ATP9B: variants seen among roughly 807,000 people sequenced by gnomAD.
ATP9B encodes probable phospholipid-transporting ATPase IIB.
Under a neutral mutation model 146.1 loss-of-function variants are expected in ATP9B, and 110 were observed. The observed-to-expected ratio is 0.75, with a 90% CI of 0.65 to 0.88. ATP9B has a LOEUF of 0.88. Among genes scored for constraint, ATP9B ranks in the 40% least tolerant of loss-of-function variants. The pLI is 0.00. For synonymous variants in ATP9B, 604 were observed against 569.7 expected (o/e 1.06, Z -0.86); for missense variants, 1,499 against 1,496.4 (o/e 1.00, Z -0.03).
chr18:79,355,952 C>T (rs1343690600), intron 25 of ATP9B, among the ~76,000 whole-genome samples: 1 of 152,094 alleles, frequency 6.6e-6, no homozygotes, highest in Non-Finnish European at 1.5e-5. Flanking sequence ...CTCATGGGCA[C>T]GGCACACTGC....
intron 13 of ATP9B, among the ~76,000 whole-genome samples, chr18:79,299,464 C>T (rs1230751815): frequency 6.6e-6 from 1 of 152,182 alleles, no homozygotes; most frequent in African/African-American, 2.4e-5. Flanking sequence ...AGGTCAGATG[C>T]CACCACTCCT....
At chr18:79,070,692 A>G (rs112315899) in intron 1 of ATP9B, among the ~76,000 whole-genome samples, 1 of 85,530 alleles carries the variant, frequency 1.2e-5, no homozygotes, top group African/African-American at 3.9e-5. Flanking sequence ...AAGCACTGTC[A>G]TGTGGTGCAC....
chr18:79,256,427 C>T (rs2096082057), intron 12 of ATP9B, among the ~76,000 whole-genome samples: 1 of 150,812 alleles, frequency 6.6e-6, no homozygotes, highest in South Asian at 2.1e-4. Context: ...CATCTTTACA[C>T]TTACTGTGAT....
intron 12 of ATP9B, among the ~76,000 whole-genome samples, chr18:79,262,933 T>C (rs12959946): frequency 0.29 from 43,521 of 152,174 alleles, 7,695 homozygotes; most frequent in Middle Eastern, 0.48. Context: ...TTTCATTTCT[T>C]TTGAAATAAT....
At position 79,143,868 on chromosome 18, in the gene ATP9B, A is replaced by AT. The variant is rs776231322; in HGVS notation, c.726+14dup. On this transcript the variant is annotated intron_variant, in intron 6 of 29. Coordinates refer to ENST00000426216, the MANE Select transcript of ATP9B (RefSeq NM_198531.5). ...CTCATCATAGTGGAAAAGGTTGATG[A>AT]TTTTTTAATATATTTTAGACCTATG... The AT allele has an allele frequency of 1.9e-6, 3 of 1,545,746 alleles. No individual in the cohort carries two copies. The highest frequency in any genetic ancestry group is 2.4e-5 in the South Asian group (2 of 82,314).
chr18:79,307,419 C>T (rs376487761), intron 15 of ATP9B, 185 bp downstream of exon 15: 2 of 859,640 alleles, frequency 2.3e-6, no homozygotes, highest in African/African-American at 1.7e-5. Flanking sequence ...GTAGCCTGGG[C>T]CTTGCACATG....
intron 9 of ATP9B, among the ~76,000 whole-genome samples, chr18:79,199,921 G>A (rs909038373): frequency 6.6e-6 from 1 of 152,168 alleles, no homozygotes; most frequent in Non-Finnish European, 1.5e-5. Context: ...ATAACAATGT[G>A]TTTTTCTGGC....
chr18:79,088,526 G>C (rs2074040117), intron 1 of ATP9B, among the ~76,000 whole-genome samples: 1 of 152,184 alleles, frequency 6.6e-6, no homozygotes, highest in South Asian at 2.1e-4. Flanking sequence ...AGGTTGTTCT[G>C]TGATGCTGTC....
chr18:79,222,270 AG>A lies in ATP9B; in HGVS notation c.1107+8233del, dbSNP rs1246064768. ...GTTACTCAGGAGGCTGAGGCAAGAGAGTTGCTCGAACCCAGGAAGTGGAGGT... is the reference window on the plus strand; with the variant it reads ...GTTACTCAGGAGGCTGAGGCAAGAGATTGCTCGAACCCAGGAAGTGGAGGT... On this transcript the variant is annotated intron_variant, in intron 11 of 29. Coordinates refer to ENST00000426216, the MANE Select transcript of ATP9B (RefSeq NM_198531.5). Among the ~76,000 whole-genome samples, 6 of 151,962 alleles carry A rather than the reference AG, an allele frequency of 3.9e-5. No homozygotes were observed. The East Asian group carries it at 1.2e-3, about 29-fold the overall frequency.
chr18:79,144,882 GA>G, intron 6 of ATP9B: 2 of 157,226 alleles, frequency 1.3e-5, no homozygotes, highest in Non-Finnish European at 2.8e-5. Context: ...ATTTAAGAGG[GA>G]AAAGTGAATA....
At chr18:79,214,190 C>T (rs998074863) in intron 11 of ATP9B, 152 bp downstream of exon 11, 3 of 464,674 alleles carry the variant, frequency 6.5e-6, no homozygotes, top group South Asian at 6.8e-5. Context: ...ATGAATTCTC[C>T]GTATTTATAT....
At chr18:79,085,103 A>G (rs1346663468) in intron 1 of ATP9B, 1 of 152,290 alleles carries the variant, frequency 6.6e-6, no homozygotes, top group East Asian at 1.9e-4. Flanking sequence ...GGAAGTACAC[A>G]ATCATGGTGG....
intron 7 of ATP9B, among the ~76,000 whole-genome samples, chr18:79,156,373 C>T (rs1482562601): frequency 6.6e-6 from 1 of 152,190 alleles, no homozygotes; most frequent in African/African-American, 2.4e-5. Context: ...ACATCTAGCC[C>T]TGCGCCTAAC....
chr18:79,367,255 C>G (rs1271167891), intron 26 of ATP9B, among the ~76,000 whole-genome samples: 8 of 130,454 alleles, frequency 6.1e-5, no homozygotes, highest in African/African-American at 2.3e-4. Context: ...TCACCTCCAC[C>G]GTGTGTACGC....
chr18:79,341,283 T>C lies in ATP9B; in HGVS notation c.2284-985T>C, dbSNP rs984009148. ...TGTAGCGTGACCTCGTCGAAGTCTG[T>C]GTTGCCGACACACCATTTAGTTGTG... On this transcript the variant is annotated intron_variant, in intron 19 of 29. Transcript: ENST00000426216. Among the ~76,000 whole-genome samples the C allele has an allele frequency of 1.5e-3, 182 of 124,642 alleles. 3 individuals carry two copies. Among genetic ancestry groups the C allele is most frequent in the African/African-American group, 5.0e-3 (163 of 32,568 alleles). 81.8% of individuals were successfully genotyped at this position (124,642 alleles called of 152,430 possible).
intron 1 of ATP9B, among the ~76,000 whole-genome samples, chr18:79,075,063 T>G (rs950098749): frequency 6.6e-6 from 1 of 151,730 alleles, no homozygotes; most frequent in African/African-American, 2.4e-5. Context: ...CCTTGTGACT[T>G]TGTTTATTCT....
intron 13 of ATP9B, among the ~76,000 whole-genome samples, chr18:79,281,522 T>C (rs1432937491): frequency 1.3e-5 from 2 of 150,908 alleles, no homozygotes; most frequent in Admixed American, 6.6e-5. Context: ...AGACAAAGCA[T>C]GAACACATAC....
At chr18:79,182,224 C>G (rs559400055) in intron 8 of ATP9B, among the ~76,000 whole-genome samples, 1 of 152,298 alleles carries the variant, frequency 6.6e-6, no homozygotes, top group South Asian at 2.1e-4. Context: ...CCTCTGAACT[C>G]TGGCTAGTCA....
chr18:79,125,411 G>A (rs990473438), intron 4 of ATP9B, among the ~76,000 whole-genome samples: 12 of 152,202 alleles, frequency 7.9e-5, no homozygotes, highest in Admixed American at 7.2e-4. Flanking sequence ...TACCATTTCA[G>A]TAAATACAAG....
Sources: gnomAD v4.1 joint callset for allele counts (sites outside exome capture counted in the v4.1 genomes callset) on GRCh38, gnomAD v4.1.1 for gene constraint, MANE v1.5 for transcripts, NCBI Gene and HGNC (gene_info 2026-07-23, HGNC 2026-07-21) for gene names.